ATP6V0D2: variants seen among roughly 807,000 people sequenced by gnomAD.
ATP6V0D2 encodes the protein ATPase H+ transporting V0 subunit d2, also known as V-type proton ATPase subunit d 2.
In ATP6V0D2, 40 loss-of-function variants were observed where a neutral mutation model predicts 40.0. That is an observed-to-expected ratio of 1.00 (90% CI 0.78 to 1.30). The LOEUF is 1.30. ATP6V0D2 is among the 50% of genes most tolerant of loss of function. The pLI is 0.00. For synonymous variants in ATP6V0D2, 179 were observed against 156.3 expected, an observed-to-expected ratio of 1.15 and a Z score of -1.08; for missense variants, 470 against 423.1, an observed-to-expected ratio of 1.11 and a Z score of -0.97.
chr8:86,128,326 G>A (rs1466078551), intron 2 of ATP6V0D2, among the ~76,000 whole-genome samples: 2 of 152,160 alleles, frequency 1.3e-5, no homozygotes, highest in East Asian at 3.9e-4. Context: ...TCCGGCCTGG[G>A]CAACAAGAGT....
At position 86,141,585 on chromosome 8, in the gene ATP6V0D2, G is replaced by A. The variant is rs771827001; in HGVS notation, c.561+56G>A. 1.7e-5 allele frequency: 22 copies of A among 1,285,834 alleles called. No individual in the cohort carries two copies. In the East Asian group the frequency reaches 4.6e-4, roughly 27 times the overall value. 79.7% of individuals were successfully genotyped at this position (1,285,834 alleles called of 1,614,324 possible). A position where few individuals can be genotyped will look rare whatever the true frequency, so the allele number is the denominator to read the frequency against. ...TTGATTACACAATGTATTGTGACTA[G>A]AGTTCTCTATTAAAACTTACTTTAC... On this transcript the variant is annotated intron_variant, in intron 4 of 7. Transcript: ENST00000285393.
chr8:86,154,172 T>C lies in ATP6V0D2; in HGVS notation c.*1195T>C, dbSNP rs1819197105. ...TCTTCTAGATGCAAGCAGTGTTAAA[T>C]TTGTTAATAAATTTGCTTTTCACAC... On this transcript the variant is annotated 3_prime_UTR_variant, in exon 8 of 8. Transcript: ENST00000285393. 2 of 152,214 alleles carry C rather than the reference T, an allele frequency of 1.3e-5. No individual in the cohort carries two copies. The highest frequency in any genetic ancestry group is 2.9e-5 in the Non-Finnish European group (2 of 68,036). 9.4% of individuals were successfully genotyped at this position (152,214 alleles called of 1,614,324 possible). A position where few individuals can be genotyped will look rare whatever the true frequency, so the allele number is the denominator to read the frequency against.
intron 1 of ATP6V0D2, among the ~76,000 whole-genome samples, chr8:86,101,462 G>GAAAAAAAA (rs59915079): frequency 2.6e-5 from 2 of 78,188 alleles, no homozygotes; most frequent in Non-Finnish European, 5.0e-5. Flanking sequence ...CCTGTCTCAG[G>GAAAAAAAA]AAAAAAAAAA....
chr8:86,107,913 A>T (rs1818487302), intron 1 of ATP6V0D2, among the ~76,000 whole-genome samples: 1 of 152,158 alleles, frequency 6.6e-6, no homozygotes, highest in African/African-American at 2.4e-5. Flanking sequence ...ATGGAGAAAG[A>T]AGTGTCTGGT....
At chr8:86,133,876 GA>G (rs1368166611) in intron 2 of ATP6V0D2, among the ~76,000 whole-genome samples, 2 of 151,704 alleles carry the variant, frequency 1.3e-5, no homozygotes, top group African/African-American at 4.8e-5. Context: ...AAGGAGAGGA[GA>G]AAAAAAGAAA....
intron 3 of ATP6V0D2, among the ~76,000 whole-genome samples, chr8:86,140,129 T>C (rs1048993035): frequency 1.3e-5 from 2 of 152,178 alleles, no homozygotes; most frequent in African/African-American, 4.8e-5. Context: ...CTCAAGAGTA[T>C]CTGTCAAGTC....
At chr8:86,118,070 CTTCTTTCT>C (rs200086555) in intron 2 of ATP6V0D2, among the ~76,000 whole-genome samples, 1 of 108,978 alleles carries the variant, frequency 9.2e-6, no homozygotes. Context: ...TCCTTCCTTC[CTTCTTTCT>C]TTCTTTCTTT....
chr8:86,121,019 C>G (rs1818661961), intron 2 of ATP6V0D2, among the ~76,000 whole-genome samples: 1 of 152,142 alleles, frequency 6.6e-6, no homozygotes, highest in Admixed American at 6.6e-5. Flanking sequence ...AGGTGCACAT[C>G]TGATTTAAAA....
At chr8:86,149,076 C>A (rs2954349) in intron 5 of ATP6V0D2, among the ~76,000 whole-genome samples, 111,948 of 114,906 alleles carry the variant, frequency 0.97, 54,616 homozygotes, top group Admixed American at 0.98. Flanking sequence ...AAAAAAAAAA[C>A]CAATGAACAA....
intron 2 of ATP6V0D2, among the ~76,000 whole-genome samples, chr8:86,138,692 A>G (rs1818928728): frequency 6.6e-6 from 1 of 152,206 alleles, no homozygotes; most frequent in African/African-American, 2.4e-5. Context: ...TTAAATTTTG[A>G]ATCCTCAGTG....
At chr8:86,110,875 A>AT (rs1292256915) in intron 1 of ATP6V0D2, among the ~76,000 whole-genome samples, 1 of 152,152 alleles carries the variant, frequency 6.6e-6, no homozygotes, top group East Asian at 1.9e-4. Flanking sequence ...GACTGGCATC[A>AT]TAAGACCTCC....
chr8:86,119,232 CTT>C (rs35945978), intron 2 of ATP6V0D2, among the ~76,000 whole-genome samples: 11 of 125,922 alleles, frequency 8.7e-5, no homozygotes, highest in Admixed American at 8.6e-5. Context: ...ATCATAGGAT[CTT>C]TTTTTTTTTT....
intron 7 of ATP6V0D2, 23 bp downstream of exon 7, chr8:86,151,563 AT>A: frequency 6.4e-7 from 1 of 1,557,740 alleles, no homozygotes; most frequent in South Asian, 1.2e-5. Context: ...TGGAAATACT[AT>A]TAGCTTATTT....
chr8:86,137,726 A>G (rs1338266672), intron 2 of ATP6V0D2, among the ~76,000 whole-genome samples: 2 of 152,070 alleles, frequency 1.3e-5, no homozygotes, highest in African/African-American at 4.8e-5. Flanking sequence ...TCACCCCAAA[A>G]ACTAAAAGCA....
intron 1 of ATP6V0D2, among the ~76,000 whole-genome samples, chr8:86,108,925 T>C (rs1818502449): frequency 6.6e-6 from 1 of 152,204 alleles, no homozygotes; most frequent in African/African-American, 2.4e-5. Context: ...ATAGACTCTA[T>C]TTGTTAAAAT....
intron 2 of ATP6V0D2, among the ~76,000 whole-genome samples, chr8:86,114,601 C>T (rs530939045): frequency 2.9e-4 from 44 of 152,212 alleles, no homozygotes; most frequent in Non-Finnish European, 4.9e-4. Flanking sequence ...AGCCGGGAGG[C>T]GGAGGTTGCA....
intron 5 of ATP6V0D2, 110 bp downstream of exon 5, chr8:86,143,064 G>A (rs1818999555): frequency 4.5e-6 from 3 of 671,116 alleles, no homozygotes; most frequent in Non-Finnish European, 2.5e-6. Context: ...TAATCTAGAA[G>A]TAAGACAAGC....
chr8:86,118,401 T>C (rs1818625354), intron 2 of ATP6V0D2, among the ~76,000 whole-genome samples: 1 of 151,866 alleles, frequency 6.6e-6, no homozygotes, highest in Non-Finnish European at 1.5e-5. Context: ...GTTGTGTGTA[T>C]ATGTGGTGTA....
intron 2 of ATP6V0D2, among the ~76,000 whole-genome samples, chr8:86,137,618 C>T (rs1413958745): frequency 6.6e-6 from 1 of 152,168 alleles, no homozygotes. Flanking sequence ...CTCATTCCAT[C>T]TAAAACATCT....
Sources: allele counts gnomAD v4.1 joint callset (sites outside exome capture counted in the v4.1 genomes callset), GRCh38; gene constraint gnomAD v4.1.1; transcripts MANE v1.5; gene names NCBI Gene and HGNC (gene_info 2026-07-23, HGNC 2026-07-21).